The following OR2M2 variants were observed in gnomAD, a reference collection of about 807,000 sequenced individuals.
The protein encoded by OR2M2 is olfactory receptor family 2 subfamily M member 2, also known as olfactory receptor 2M2.
For synonymous variants in OR2M2, 168 were observed against 151.7 expected, an observed-to-expected ratio of 1.11 and a Z score of -0.79; for missense variants, 467 against 429.9, an observed-to-expected ratio of 1.09 and a Z score of -0.76.
intron 1 of OR2M2, among the ~76,000 whole-genome samples, chr1:248,179,473 C>G (rs2103006900): frequency 1.3e-5 from 2 of 151,250 alleles, no homozygotes; most frequent in Middle Eastern, 6.8e-3. Flanking sequence ...AAGTGTAGAT[C>G]AAATATTCTA....
At chr1:248,176,354 A>G (rs1665856502) in intron 1 of OR2M2, among the ~76,000 whole-genome samples, 1 of 152,028 alleles carries the variant, frequency 6.6e-6, no homozygotes, top group Non-Finnish European at 1.5e-5. Context: ...ATAAAAAGAC[A>G]TTTGAAAAAT....
rs754995992 is a variant in OR2M2 at position 248,180,088 on chromosome 1, T to G, written c.103T>G (p.Phe35Val). Reference protein sequence around the residue: ...TFLFFLVLGIFLVAFMGNSVM... With the variant: ...TFLFFLVLGIVLVAFMGNSVM... ...CCTCTTCTTTCTGGTCCTGGGCATC[T>G]TTTTAGTGGCCTTCATGGGAAACTC... The change falls in exon 2 of 2, where the codon TTT (phenylalanine) becomes GTT (valine). Residue 35 changes from phenylalanine to valine, a missense_variant. By Grantham distance (50) the Phe-to-Val change is conservative. Transcript: ENST00000641836. 1 of 1,614,004 alleles carries G rather than the reference T, an allele frequency of 6.2e-7. No individual in the cohort carries two copies. Among genetic ancestry groups the G allele is most frequent in the African/African-American group, 1.3e-5 (1 of 75,012 alleles).
rs774882674 is a variant in OR2M2, at chr1:248,180,057, C to A, written c.72C>A (p.His24Gln). ...LLGIFNHSPP[H>Q]TFLFFLVLGI... is the part of the protein sequence containing the mutation. ...GAATCTTCAATCACAGCCCACCACA[C>A]ACGTTCCTCTTCTTTCTGGTCCTGG... The change falls in exon 2 of 2, where the codon CAC (histidine) becomes CAA (glutamine). Residue 24 changes from histidine to glutamine, a missense_variant. Transcript: ENST00000641836. 7.4e-6 allele frequency: 12 copies of A among 1,613,904 alleles called. No homozygotes were observed. The African/African-American group carries it at 1.5e-4, about 20-fold the overall frequency.
At chr1:248,176,052 C>T (rs575312790) in intron 1 of OR2M2, among the ~76,000 whole-genome samples, 2 of 152,162 alleles carry the variant, frequency 1.3e-5, no homozygotes, top group Non-Finnish European at 2.9e-5. Context: ...GAGAGATGTG[C>T]TTTTTTGTTT....
chr1:248,176,797 C>T (rs555341496), intron 1 of OR2M2, among the ~76,000 whole-genome samples: 16 of 152,138 alleles, frequency 1.1e-4, no homozygotes, highest in African/African-American at 3.4e-4. Flanking sequence ...TGTTTATATC[C>T]TGGATAACTT....
rs753118729 is a variant in OR2M2 at position 248,180,604 on chromosome 1, C to A, written c.619C>A (p.Leu207Ile). Residue 207 changes from leucine (L) to isoleucine (I), a missense_variant, in exon 2 of 2, where the codon CTT becomes ATT. Physicochemically the swap from Leu to Ile is conservative, Grantham distance 5. Transcript: ENST00000641836. ...TATTTTCATCTGCTGTATAGTAATGCTTGTTTTCCCTGTTGCAATCATCAT... is the reference window on the plus strand; with the variant it reads ...TATTTTCATCTGCTGTATAGTAATGATTGTTTTCCCTGTTGCAATCATCAT... The part of the protein sequence containing the change: ...EVIFICCIVM[L>I]VFPVAIIIAS... 34 of 1,612,836 alleles carry A rather than the reference C, an allele frequency of 2.1e-5. No individual in the cohort carries two copies. In the Admixed American group the frequency reaches 3.0e-4, roughly 14 times the overall value.
At chr1:248,176,394 T>C (rs1324297805) in intron 1 of OR2M2, among the ~76,000 whole-genome samples, 2 of 151,994 alleles carry the variant, frequency 1.3e-5, no homozygotes, top group Non-Finnish European at 2.9e-5. Flanking sequence ...TTTTACAAAA[T>C]TATGGAGTTG....
chr1:248,174,962 A>AT (rs1665843216), intron 1 of OR2M2, 91 bp downstream of exon 1: 1 of 152,168 alleles, frequency 6.6e-6, no homozygotes, highest in Non-Finnish European at 1.5e-5. Context: ...TTCTTAAGTC[A>AT]TTTTTTGTGC....
At chr1:248,178,922 G>A (rs1665885288) in intron 1 of OR2M2, among the ~76,000 whole-genome samples, 1 of 152,116 alleles carries the variant, frequency 6.6e-6, no homozygotes, top group Admixed American at 6.5e-5. Context: ...ATTTTCTAGA[G>A]GAGATATTGT....
At position 248,180,268 on chromosome 1, in the gene OR2M2, G is replaced by T. The variant is rs747527899; in HGVS notation, c.283G>T (p.Ala95Ser). 41 of 1,614,160 alleles carry T rather than the reference G, an allele frequency of 2.5e-5. 1 individual carries two copies. In the Middle Eastern group the frequency reaches 8.3e-4, roughly 32 times the overall value. ...YLSGSKSISM[A>S]GCVTQIFFYI... ...GTCTGGCAGCAAGTCCATTTCTATGGCTGGTTGTGTCACACAAATTTTCTT... is the reference window on the plus strand; with the variant it reads ...GTCTGGCAGCAAGTCCATTTCTATGTCTGGTTGTGTCACACAAATTTTCTT... Residue 95 changes from alanine to serine, a missense_variant, in exon 2 of 2, where the codon GCT (alanine) becomes TCT (serine). Coordinates refer to ENST00000641836, the MANE Select transcript of OR2M2 (RefSeq NM_001004688.2).
chr1:248,176,507 T>C (rs965322852), intron 1 of OR2M2, among the ~76,000 whole-genome samples: 4 of 152,046 alleles, frequency 2.6e-5, no homozygotes, highest in African/African-American at 4.8e-5. Context: ...CTAATCCAAA[T>C]TCAAAATGTT....
chr1:248,177,092 A>G (rs1394655420), intron 1 of OR2M2, among the ~76,000 whole-genome samples: 1 of 152,052 alleles, frequency 6.6e-6, no homozygotes, highest in Non-Finnish European at 1.5e-5. Context: ...TAGTTTTAGT[A>G]ACTGGATATG....
At chr1:248,175,339 G>A (rs1014633525) in intron 1 of OR2M2, among the ~76,000 whole-genome samples, 1 of 152,108 alleles carries the variant, frequency 6.6e-6, no homozygotes, top group Admixed American at 6.6e-5. Context: ...ATAAGATTGT[G>A]ACACTTTTGC....
Position 248,180,510 on chromosome 1 carries a change from C to A in OR2M2, c.525C>A (p.Ala175=). ...SFSFCGSREI[A]HFFCEFPSLL... ...CCTTTTGTGGGTCTCGGGAAATAGC[C>A]CACTTCTTCTGTGAATTCCCTTCCC... The change falls in exon 2 of 2, where the codon GCC becomes GCA. Residue 175 remains alanine (A), a synonymous_variant. Coordinates refer to ENST00000641836, the MANE Select transcript of OR2M2 (RefSeq NM_001004688.2). The A allele has an allele frequency of 6.2e-7, 1 of 1,613,794 alleles. No individual in the cohort carries two copies. The highest frequency in any genetic ancestry group is 8.5e-7 in the Non-Finnish European group (1 of 1,179,836).
chr1:248,176,596 G>C (rs1183831307), intron 1 of OR2M2, among the ~76,000 whole-genome samples: 3 of 152,024 alleles, frequency 2.0e-5, no homozygotes, highest in Admixed American at 1.3e-4. Context: ...CATAATTTCA[G>C]ATCCATTTTG....
intron 1 of OR2M2, among the ~76,000 whole-genome samples, chr1:248,176,781 T>C: frequency 6.6e-6 from 1 of 152,060 alleles, no homozygotes; most frequent in East Asian, 1.9e-4. Flanking sequence ...CACTGCATTT[T>C]CAGATTGTTT....
chr1:248,180,074 T>C lies in OR2M2; in HGVS notation c.89T>C (p.Leu30Pro), dbSNP rs1024447172. Reference protein sequence around the residue: ...HSPPHTFLFFLVLGIFLVAFM... With the variant: ...HSPPHTFLFFPVLGIFLVAFM... ...CCACCACACACGTTCCTCTTCTTTC[T>C]GGTCCTGGGCATCTTTTTAGTGGCC... The change falls in exon 2 of 2, where the codon CTG (leucine) becomes CCG (proline). Residue 30 changes from leucine to proline, a missense_variant. Physicochemically the swap from Leu to Pro is moderately conservative, Grantham distance 98. Coordinates refer to ENST00000641836, the MANE Select transcript of OR2M2 (RefSeq NM_001004688.2). 1.2e-6 allele frequency: 2 copies of C among 1,613,954 alleles called. No homozygotes were observed. Among genetic ancestry groups the C allele is most frequent in the African/African-American group, 2.7e-5 (2 of 74,898 alleles).
chr1:248,179,992 T>C lies in OR2M2; in HGVS notation c.7T>C (p.Trp3Arg), dbSNP rs767557930. The C allele has an allele frequency of 3.1e-6, 5 of 1,611,126 alleles. No homozygotes were observed. Among genetic ancestry groups the C allele is most frequent in the East Asian group, 4.5e-5 (2 of 44,874 alleles). Residue 3 changes from tryptophan to arginine, a missense_variant, in exon 2 of 2, where the codon TGG (tryptophan) becomes CGG (arginine). By Grantham distance (101) the Trp-to-Arg change is moderately radical. Transcript: ENST00000641836. MA[W>R]ENQTFNSDFI... ...GGTAAAAAGCACATTCATCATGGCA[T>C]GGGAGAATCAGACCTTCAACTCCGA... is the stretch of plus-strand genomic sequence containing the variant.
At chr1:248,178,619 A>T (rs1296836647) in intron 1 of OR2M2, among the ~76,000 whole-genome samples, 1 of 152,170 alleles carries the variant, frequency 6.6e-6, no homozygotes, top group Non-Finnish European at 1.5e-5. Context: ...TCTTTGTCAA[A>T]TGCCACTAGA....
Sources: allele counts gnomAD v4.1 joint callset (sites outside exome capture counted in the v4.1 genomes callset), GRCh38; gene constraint gnomAD v4.1.1; transcripts MANE v1.5; gene names NCBI Gene and HGNC (gene_info 2026-07-23, HGNC 2026-07-21).